VAV3: variants seen among roughly 807,000 people sequenced by gnomAD.
VAV3 encodes the protein vav guanine nucleotide exchange factor 3.
Under a neutral mutation model 131.2 loss-of-function variants are expected in VAV3, and 94 were observed. The ratio of observed to expected loss-of-function variants is 0.72; its 90% CI spans 0.61 to 0.85. The LOEUF (loss-of-function observed/expected upper bound fraction) is 0.85, where lower values mean the gene tolerates loss of function less well. VAV3 is among the 40% of genes least tolerant of loss of function. The pLI is 0.00. For synonymous variants in VAV3, 349 were observed against 342.0 expected (o/e 1.02, Z -0.22); for missense variants, 939 against 1,002.7 (o/e 0.94, Z 0.86).
intron 19 of VAV3, among the ~76,000 whole-genome samples, chr1:107,669,955 A>G (rs1249614709): frequency 6.6e-5 from 10 of 152,230 alleles, no homozygotes. Flanking sequence ...AGATGATTTC[A>G]CAACTTTGCA....
At chr1:107,737,539 G>T (rs558595410) in intron 15 of VAV3, among the ~76,000 whole-genome samples, 1 of 152,130 alleles carries the variant, frequency 6.6e-6, no homozygotes, top group African/African-American at 2.4e-5. Flanking sequence ...CAAAAAGTAG[G>T]CAAAGGATAT....
At chr1:107,788,257 T>A (rs1012248773) in intron 2 of VAV3, among the ~76,000 whole-genome samples, 1 of 152,160 alleles carries the variant, frequency 6.6e-6, no homozygotes, top group African/African-American at 2.4e-5. Context: ...ATTACCACCA[T>A]GCCAGCCCCA....
chr1:107,850,327 C>A (rs986157354), intron 2 of VAV3, among the ~76,000 whole-genome samples: 2 of 152,072 alleles, frequency 1.3e-5, no homozygotes, highest in African/African-American at 4.8e-5. Context: ...AACCTAAATG[C>A]CCATCAATGA....
intron 25 of VAV3, among the ~76,000 whole-genome samples, chr1:107,574,963 CTGTGTGTG>C (rs753834313): frequency 5.4e-4 from 44 of 81,178 alleles, no homozygotes; most frequent in African/African-American, 1.9e-3. Flanking sequence ...TTGAGTTTCT[CTGTGTGTG>C]TGTGTGTGTG....
rs771713648 is a variant in VAV3 at position 107,573,306 on chromosome 1, G to A, written c.*25C>T. 2.5e-6 allele frequency: 4 copies of A among 1,611,940 alleles called. No individual in the cohort carries two copies. The highest frequency in any genetic ancestry group is 3.4e-5 in the Admixed American group (2 of 59,454). ...TTATCCCTTCTCTGAAATTTTTGGT[G>A]CAGGGTGCAACACGGGATTTGAATT... On this transcript the variant is annotated 3_prime_UTR_variant, in exon 27 of 27. Coordinates refer to ENST00000370056, the MANE Select transcript of VAV3 (RefSeq NM_006113.5).
chr1:107,640,772 C>G lies in VAV3; in HGVS notation c.1914+1847G>C, dbSNP rs1655280230. ...AGAAAGTGAGCATAGACTACTTCCC[C>G]AACAAGCTTAGCTTTGGTTGTGGAG... is the stretch of plus-strand genomic sequence containing the variant. On this transcript the variant is annotated intron_variant, in intron 20 of 26. Coordinates refer to ENST00000370056, the MANE Select transcript of VAV3 (RefSeq NM_006113.5). 2.0e-5 allele frequency among the ~76,000 whole-genome samples: 3 copies of G among 152,080 alleles called. 1 individual carries two copies. The South Asian group carries it at 6.2e-4, about 32-fold the overall frequency.
intron 20 of VAV3, among the ~76,000 whole-genome samples, chr1:107,624,507 C>T (rs1160009592): frequency 6.6e-6 from 1 of 151,862 alleles, no homozygotes; most frequent in Non-Finnish European, 1.5e-5. Flanking sequence ...CACGTTGTTA[C>T]TCAATACAAA....
chr1:107,922,844 C>T lies in VAV3; in HGVS notation c.204+41822G>A, dbSNP rs376708924. On this transcript the variant is annotated intron_variant, in intron 1 of 26. Coordinates refer to ENST00000370056, the MANE Select transcript of VAV3 (RefSeq NM_006113.5). ...GCGGGCGCCTGTAGTCCCAGCTACTCGGGAGGCTGAGGCGGGAGAATGGCG... is the reference window on the plus strand; with the variant it reads ...GCGGGCGCCTGTAGTCCCAGCTACTTGGGAGGCTGAGGCGGGAGAATGGCG... Among the ~76,000 whole-genome samples the T allele has an allele frequency of 6.5e-3, 974 of 150,906 alleles. 9 individuals carry two copies. Among genetic ancestry groups the T allele is most frequent in the African/African-American group, 0.023 (933 of 41,032 alleles).
intron 1 of VAV3, among the ~76,000 whole-genome samples, chr1:107,898,422 G>T (rs1279126709): frequency 6.6e-6 from 1 of 152,172 alleles, no homozygotes; most frequent in Non-Finnish European, 1.5e-5. Context: ...TGAAGAAACA[G>T]CAAGTTTCCA....
At chr1:107,589,458 G>A (rs1313139299) in intron 25 of VAV3, among the ~76,000 whole-genome samples, 2 of 152,280 alleles carry the variant, frequency 1.3e-5, no homozygotes, top group Non-Finnish European at 2.9e-5. Context: ...AGTAGAAACT[G>A]GGAGAGGGGC....
chr1:107,955,910 G>C (rs2101373469), intron 1 of VAV3, among the ~76,000 whole-genome samples: 1 of 152,292 alleles, frequency 6.6e-6, no homozygotes, highest in South Asian at 2.1e-4. Context: ...CAAACCCTAG[G>C]CATCCTTAGT....
In VAV3 at chr1:107,642,697, A is replaced by G. The variant is rs749149454; in HGVS notation, c.1836T>C (p.His612=). ...CCTGGAGCTGTAAAGGGGGTCCTTC[A>G]TGCAGAGCTGGGGGTGGTGTTCCAG... ...NYSGTPPPAL[H]EGPPLQLQAG... is the part of the protein sequence containing the mutation. The change falls in exon 20 of 27, where the codon CAT becomes CAC. Residue 612 remains histidine, a synonymous_variant. Coordinates refer to ENST00000370056, the MANE Select transcript of VAV3 (RefSeq NM_006113.5). 6.2e-7 allele frequency: 1 copy of G among 1,613,460 alleles called. No homozygotes were observed. Among genetic ancestry groups the G allele is most frequent in the Non-Finnish European group, 8.5e-7 (1 of 1,179,646 alleles).
intron 1 of VAV3, among the ~76,000 whole-genome samples, chr1:107,947,296 G>C (rs1268213014): frequency 1.3e-5 from 2 of 152,168 alleles, no homozygotes; most frequent in Non-Finnish European, 2.9e-5. Flanking sequence ...AATATTCCAA[G>C]TCTTATATTC....
At position 107,884,647 on chromosome 1, in the gene VAV3, A is replaced by G. The variant is rs538164386; in HGVS notation, c.205-9630T>C. On this transcript the variant is annotated intron_variant, in intron 1 of 26. Coordinates refer to ENST00000370056, the MANE Select transcript of VAV3 (RefSeq NM_006113.5). Reference sequence around the variant, plus strand: ...TATTTTTTTGTAGAGATGAGGTCTCACTATGTTTCCCAGTCTGGTCTTGAA... The same window carrying G: ...TATTTTTTTGTAGAGATGAGGTCTCGCTATGTTTCCCAGTCTGGTCTTGAA... Among the ~76,000 whole-genome samples, 15 of 151,704 alleles carry G rather than the reference A, an allele frequency of 9.9e-5. No homozygotes were observed. The South Asian group carries it at 3.1e-3, about 32-fold the overall frequency.
In VAV3 at chr1:107,571,951, G is replaced by A. The variant is rs1372074901; in HGVS notation, c.*1380C>T. On this transcript the variant is annotated 3_prime_UTR_variant, in exon 27 of 27. Coordinates refer to ENST00000370056, the MANE Select transcript of VAV3 (RefSeq NM_006113.5). ...AAAATTTCAGAACTTAATGCTCCTG[G>A]TTCAGTTCTACTAAGTTAATGCTTC... 6.6e-6 allele frequency: 1 copy of A among 152,574 alleles called. No individual in the cohort carries two copies. Among genetic ancestry groups the A allele is most frequent in the Non-Finnish European group, 1.5e-5 (1 of 68,036 alleles). The allele number at this position is 152,574 out of a possible 1,614,324, so 9.5% of individuals were successfully genotyped here.
chr1:107,786,247 T>C (rs1394519038), intron 2 of VAV3, among the ~76,000 whole-genome samples: 1 of 152,214 alleles, frequency 6.6e-6, no homozygotes, highest in Admixed American at 6.5e-5. Context: ...CAATCATAAA[T>C]TTAAGAAGTA....
At chr1:107,685,103 G>C (rs1658925050) in intron 18 of VAV3, among the ~76,000 whole-genome samples, 3 of 152,050 alleles carry the variant, frequency 2.0e-5, no homozygotes, top group Admixed American at 2.0e-4. Context: ...TTGATTCCTA[G>C]AATGCCTAAA....
At chr1:107,750,369 A>G (rs1663636480) in intron 13 of VAV3, among the ~76,000 whole-genome samples, 2 of 152,224 alleles carry the variant, frequency 1.3e-5, no homozygotes, top group African/African-American at 4.8e-5. Flanking sequence ...AATAAACCTT[A>G]TAACCACATC....
chr1:107,939,324 G>C (rs1673872699), intron 1 of VAV3, among the ~76,000 whole-genome samples: 1 of 152,130 alleles, frequency 6.6e-6, no homozygotes, highest in Admixed American at 6.5e-5. Context: ...GATGGTCCTA[G>C]GCTTACTATG....
Sources: allele counts gnomAD v4.1 joint callset (sites outside exome capture counted in the v4.1 genomes callset), GRCh38; gene constraint gnomAD v4.1.1; transcripts MANE v1.5; gene names NCBI Gene and HGNC (gene_info 2026-07-23, HGNC 2026-07-21).